PLA2R1: variants seen among roughly 807,000 people sequenced by gnomAD.
PLA2R1 encodes the protein phospholipase A2 receptor 1, also known as secretory phospholipase A2 receptor.
In PLA2R1, 158 loss-of-function variants were observed where a neutral mutation model predicts 195.9. The observed-to-expected ratio is 0.81, with a 90% CI of 0.71 to 0.92. PLA2R1 has a LOEUF of 0.92. Among genes scored for constraint, PLA2R1 ranks in the 40% least tolerant of loss-of-function variants. The probability of loss-of-function intolerance (pLI) is 0.00; values close to 1 mark genes in which losing one functional copy is unlikely to be tolerated. For missense variants in PLA2R1, 1,626 were observed against 1,764.6 expected (o/e 0.92, Z 1.41); for synonymous variants, 586 against 598.2 (o/e 0.98, Z 0.30).
intron 28 of PLA2R1, among the ~76,000 whole-genome samples, chr2:159,943,589 T>TA (rs1687211298): frequency 6.6e-6 from 1 of 152,192 alleles, no homozygotes; most frequent in African/African-American, 2.4e-5. Context: ...TGATGTAGCC[T>TA]CAGTTTGCAC....
In PLA2R1 at chr2:159,949,711, C is replaced by T. The variant is rs199747070; in HGVS notation, c.3606G>A (p.Glu1202=). The part of the protein sequence containing the change: ...KSSFTFWKDE[E]SSLLGDCVFA... Reference sequence around the variant, plus strand: ...AAACGCAGTCACCAAGGAGGGAGGACTCCTCATCTTTCCAAAAAGTGAAAG... The same window carrying T: ...AAACGCAGTCACCAAGGAGGGAGGATTCCTCATCTTTCCAAAAAGTGAAAG... Residue 1202 remains glutamate, a synonymous_variant, in exon 25 of 30, where the codon GAG becomes GAA. Coordinates refer to ENST00000283243, the MANE Select transcript of PLA2R1 (RefSeq NM_007366.5). The T allele has an allele frequency of 2.0e-5, 33 of 1,613,652 alleles. No homozygotes were observed. Among genetic ancestry groups the T allele is most frequent in the Non-Finnish European group, 2.8e-5 (33 of 1,179,678 alleles).
chr2:159,980,554 A>G (rs1042859970), intron 13 of PLA2R1, among the ~76,000 whole-genome samples: 1 of 152,148 alleles, frequency 6.6e-6, no homozygotes, highest in Non-Finnish European at 1.5e-5. Context: ...TTTTTTTCAG[A>G]TATCAACACA....
At chr2:160,007,029 G>A (rs982359505) in intron 10 of PLA2R1, among the ~76,000 whole-genome samples, 2 of 152,160 alleles carry the variant, frequency 1.3e-5, no homozygotes, top group African/African-American at 4.8e-5. Context: ...ATGGATTTTC[G>A]TCATACTTTA....
chr2:159,994,848 G>A (rs1258107900), intron 11 of PLA2R1, among the ~76,000 whole-genome samples: 3 of 152,016 alleles, frequency 2.0e-5, no homozygotes, highest in South Asian at 4.2e-4. Flanking sequence ...AGTGAAATGC[G>A]TGACAGGAAT....
rs149051931 is a variant in PLA2R1 at position 159,967,161 on chromosome 2, A to G, written c.2904+378T>C. 3.4e-3 allele frequency among the ~76,000 whole-genome samples: 517 copies of G among 152,246 alleles called. 3 individuals carry two copies. The highest frequency in any genetic ancestry group is 0.011 in the African/African-American group (475 of 41,552). Reference sequence around the variant, plus strand: ...AACCTAGACACACAGGCATGCAGGCACATACATACACGTGCACACACACGC... The same window carrying G: ...AACCTAGACACACAGGCATGCAGGCGCATACATACACGTGCACACACACGC... On this transcript the variant is annotated intron_variant, in intron 20 of 29. Transcript: ENST00000283243.
chr2:159,969,388 T>C (rs1403031509), intron 18 of PLA2R1, 29 bp from the exon 19 acceptor site: 2 of 1,190,458 alleles, frequency 1.7e-6, no homozygotes, highest in Non-Finnish European at 2.5e-6. Context: ...TGTTAAGGTC[T>C]TCTCTCATTC....
intron 3 of PLA2R1, among the ~76,000 whole-genome samples, chr2:160,036,243 A>C (rs1694157296): frequency 6.6e-6 from 1 of 152,226 alleles, no homozygotes; most frequent in Non-Finnish European, 1.5e-5. Context: ...AACATGTGCA[A>C]ACCTGAATAG....
intron 10 of PLA2R1, among the ~76,000 whole-genome samples, chr2:160,008,906 C>T (rs985879689): frequency 6.6e-6 from 1 of 152,198 alleles, no homozygotes; most frequent in African/African-American, 2.4e-5. Flanking sequence ...ATAGACATTT[C>T]TCCAAAGAAG....
intron 11 of PLA2R1, 70 bp downstream of exon 11, chr2:160,005,582 G>GACCAA (rs1691923243): frequency 1.5e-6 from 2 of 1,315,152 alleles, no homozygotes; most frequent in African/African-American, 2.9e-5. Context: ...AAAGGAGGTG[G>GACCAA]GCCAAGGGGT....
chr2:160,011,319 T>G (rs929717694), intron 10 of PLA2R1, among the ~76,000 whole-genome samples: 21 of 152,256 alleles, frequency 1.4e-4, no homozygotes, highest in Non-Finnish European at 2.8e-4. Flanking sequence ...CTATTCTACC[T>G]TCTTCACTTA....
chr2:159,972,388 A>G (rs1352138302), intron 17 of PLA2R1, among the ~76,000 whole-genome samples: 1 of 152,210 alleles, frequency 6.6e-6, no homozygotes, highest in Non-Finnish European at 1.5e-5. Context: ...GGGCTTAAAA[A>G]ATGTCATATG....
intron 10 of PLA2R1, among the ~76,000 whole-genome samples, chr2:160,008,901 C>T (rs951903553): frequency 7.2e-5 from 11 of 152,166 alleles, no homozygotes; most frequent in African/African-American, 2.4e-4. Flanking sequence ...CTTGAATAGA[C>T]ATTTCTCCAA....
chr2:159,961,466 T>C (rs939416867), intron 20 of PLA2R1, among the ~76,000 whole-genome samples: 2 of 152,172 alleles, frequency 1.3e-5, no homozygotes, highest in Admixed American at 6.6e-5. Flanking sequence ...TCCTGCACTT[T>C]GATGTTTTTA....
At chr2:160,023,382 G>A (rs1388113387) in intron 6 of PLA2R1, among the ~76,000 whole-genome samples, 1 of 152,086 alleles carries the variant, frequency 6.6e-6, no homozygotes, top group African/African-American at 2.4e-5. Flanking sequence ...GGTCATCCTC[G>A]CTGCTCATTA....
chr2:160,026,880 T>C (rs1315217455), intron 6 of PLA2R1, among the ~76,000 whole-genome samples: 5 of 152,176 alleles, frequency 3.3e-5, no homozygotes, highest in African/African-American at 1.2e-4. Context: ...CACGCCGTAA[T>C]CCCAGCACTT....
chr2:159,925,193 A>AC, the PLA2R1 span, among the ~76,000 whole-genome samples: 1 of 117,686 alleles, frequency 8.5e-6, no homozygotes, highest in South Asian at 2.5e-4. Flanking sequence ...AGTTATAAAA[A>AC]AAAACAAACA....
chr2:160,042,184 T>C lies in PLA2R1; in HGVS notation c.508A>G (p.Lys170Glu). Reference sequence around the variant, plus strand: ...CACGGCATCCCGTGGGTGTTCCCTTTGATTGTATGCAAATCTAGGAGAAAG... The same window carrying C: ...CACGGCATCCCGTGGGTGTTCCCTTCGATTGTATGCAAATCTAGGAGAAAG... Reference protein sequence around the residue: ...EYLHKDLHTIKGNTHGMPCMF... With the variant: ...EYLHKDLHTIEGNTHGMPCMF... Residue 170 changes from lysine (K) to glutamate (E), a missense_variant, in exon 3 of 30, where the codon AAA becomes GAA. Lys to Glu is a moderately conservative substitution (Grantham distance 56, BLOSUM62 1). Transcript: ENST00000283243. 6.2e-7 allele frequency: 1 copy of C among 1,613,328 alleles called. No homozygotes were observed. The highest frequency in any genetic ancestry group is 8.5e-7 in the Non-Finnish European group (1 of 1,179,414).
At chr2:160,043,231 A>C (rs996365458) in intron 2 of PLA2R1, among the ~76,000 whole-genome samples, 2 of 151,932 alleles carry the variant, frequency 1.3e-5, no homozygotes, top group South Asian at 2.1e-4. Flanking sequence ...TCAGATTTAC[A>C]TTTTTAAAGA....
At position 159,969,255 on chromosome 2, in the gene PLA2R1, CCTGTTAT is replaced by C. The variant is rs761217237; in HGVS notation, c.2758_2764del (p.Ile920AspfsTer24). ...ACCCAAAAATGGGTAAGTAAAATAA[CCTGTTAT>C]AGAAGAAATAAAGCCACATCTCTGG... On this transcript the variant is annotated frameshift_variant and splice_region_variant, in exon 19 of 30. Coordinates refer to ENST00000283243, the MANE Select transcript of PLA2R1 (RefSeq NM_007366.5). LOFTEE classifies it high-confidence loss of function. 2.0e-6 allele frequency: 3 copies of C among 1,526,902 alleles called. No homozygotes were observed. In the East Asian group the frequency reaches 6.8e-5, roughly 35 times the overall value. 94.6% of individuals were successfully genotyped at this position (1,526,902 alleles called of 1,614,324 possible).
Sources: gnomAD v4.1 joint callset for allele counts (sites outside exome capture counted in the v4.1 genomes callset) on GRCh38, gnomAD v4.1.1 for gene constraint, MANE v1.5 for transcripts, NCBI Gene and HGNC (gene_info 2026-07-23, HGNC 2026-07-21) for gene names.